Variants in CNTN5 observed in about 807,000 individuals in gnomAD.
CNTN5 encodes contactin 5.
Under a neutral mutation model 129.1 loss-of-function variants are expected in CNTN5, and 77 were observed. The observed-to-expected ratio is 0.60, with a 90% CI of 0.50 to 0.72. The LOEUF is 0.72. Among genes scored for constraint, CNTN5 ranks in the 30% least tolerant of loss-of-function variants. The pLI is 0.00. For missense variants in CNTN5, 1,478 were observed against 1,328.8 expected (o/e 1.11, Z -1.75); for synonymous variants, 509 against 465.6 (o/e 1.09, Z -1.20).
At chr11:99,596,690 A>G (rs1334489898) in intron 3 of CNTN5, among the ~76,000 whole-genome samples, 1 of 152,164 alleles carries the variant, frequency 6.6e-6, no homozygotes, top group Non-Finnish European at 1.5e-5. Context: ...CGATTGAATT[A>G]TTTGTGTTGG....
In CNTN5 at chr11:100,314,568, A is replaced by G. The variant is rs138027268; in HGVS notation, c.2730+6100A>G. ...GTGTTAACTAGTAACACCTCAATGC[A>G]TTTTCCTTAATAAATAATCAAACTG... On this transcript the variant is annotated intron_variant, in intron 21 of 24. Coordinates refer to ENST00000524871, the MANE Select transcript of CNTN5 (RefSeq NM_014361.4). Among the ~76,000 whole-genome samples the G allele has an allele frequency of 3.9e-5, 6 of 152,196 alleles. No individual in the cohort carries two copies. The East Asian group carries it at 1.2e-3, about 29-fold the overall frequency.
chr11:99,142,746 T>A (rs1160188594), intron 1 of CNTN5, among the ~76,000 whole-genome samples: 1 of 152,054 alleles, frequency 6.6e-6, no homozygotes, highest in African/African-American at 2.4e-5. Flanking sequence ...ACACCAAACC[T>A]CTGGCTTCTA....
intron 15 of CNTN5, among the ~76,000 whole-genome samples, chr11:100,201,539 C>T (rs888657437): frequency 3.9e-5 from 6 of 151,918 alleles, no homozygotes; most frequent in South Asian, 2.1e-4. Flanking sequence ...CAACTTTACA[C>T]ATAATCGGTA....
At chr11:100,309,210 T>C (rs1429475955) in intron 21 of CNTN5, 1 of 984,884 alleles carries the variant, frequency 1.0e-6, no homozygotes, top group Non-Finnish European at 1.2e-6. Flanking sequence ...TAGTTGCATT[T>C]AAAAAAATTT....
chr11:99,402,474 A>G (rs551610179), intron 2 of CNTN5, among the ~76,000 whole-genome samples: 255 of 152,224 alleles, frequency 1.7e-3, no homozygotes, highest in Non-Finnish European at 3.3e-3. Flanking sequence ...TGGTTTGCTA[A>G]TATTTTGTTA....
chr11:99,029,732 G>A (rs1213316314), intron 1 of CNTN5, among the ~76,000 whole-genome samples: 1 of 151,952 alleles, frequency 6.6e-6, no homozygotes, highest in African/African-American at 2.4e-5. Flanking sequence ...GAAAAAATTG[G>A]GATTTTGTTC....
intron 2 of CNTN5, among the ~76,000 whole-genome samples, chr11:99,346,636 A>T (rs1399408140): frequency 6.6e-6 from 1 of 152,196 alleles, no homozygotes; most frequent in Non-Finnish European, 1.5e-5. Flanking sequence ...ATATGGACTG[A>T]ATGTTTGCAT....
At chr11:99,721,273 G>A (rs1036131784) in intron 3 of CNTN5, among the ~76,000 whole-genome samples, 1 of 152,036 alleles carries the variant, frequency 6.6e-6, no homozygotes. Context: ...CAACATGGTA[G>A]TGGTGGAAAA....
At chr11:100,283,544 A>G (rs1444261625) in intron 18 of CNTN5, among the ~76,000 whole-genome samples, 4 of 152,086 alleles carry the variant, frequency 2.6e-5, no homozygotes, top group African/African-American at 7.2e-5. Context: ...CTACCTTTCA[A>G]GTTTATTTAG....
chr11:99,325,195 T>G (rs1865731493), intron 1 of CNTN5, among the ~76,000 whole-genome samples, 151 bp from the exon 2 acceptor site: 1 of 152,136 alleles, frequency 6.6e-6, no homozygotes, highest in Non-Finnish European at 1.5e-5. Flanking sequence ...AGAAGCTGTA[T>G]GTGTTTATAT....
chr11:100,224,596 TG>T, intron 15 of CNTN5, 95 bp from the exon 16 acceptor site: 1 of 1,202,958 alleles, frequency 8.3e-7, no homozygotes, highest in Non-Finnish European at 1.2e-6. Flanking sequence ...AGGCCAAAAA[TG>T]GGCCCTTTTA....
At chr11:99,172,039 G>C (rs562664255) in intron 1 of CNTN5, among the ~76,000 whole-genome samples, 3 of 152,268 alleles carry the variant, frequency 2.0e-5, no homozygotes, top group African/African-American at 7.2e-5. Context: ...ATAAATTCAT[G>C]TCAGCAAATA....
chr11:99,726,005 A>AC (rs1943324579), intron 3 of CNTN5, among the ~76,000 whole-genome samples: 1 of 151,830 alleles, frequency 6.6e-6, no homozygotes, highest in African/African-American at 2.4e-5. Context: ...AGTCTTACTT[A>AC]TTTGGCTATT....
At chr11:99,425,479 T>C (rs368509600) in intron 2 of CNTN5, among the ~76,000 whole-genome samples, 4 of 152,358 alleles carry the variant, frequency 2.6e-5, no homozygotes, top group East Asian at 1.9e-4. Context: ...TCTGCTGTGC[T>C]ATGTGGTGCC....
At chr11:99,584,851 T>C (rs1423299478) in intron 3 of CNTN5, among the ~76,000 whole-genome samples, 1 of 152,208 alleles carries the variant, frequency 6.6e-6, no homozygotes, top group African/African-American at 2.4e-5. Flanking sequence ...ACAGACAAAC[T>C]GTTATTCAGG....
chr11:100,334,816 T>C (rs747329612), intron 21 of CNTN5, among the ~76,000 whole-genome samples: 9 of 152,060 alleles, frequency 5.9e-5, no homozygotes, highest in Non-Finnish European at 1.2e-4. Flanking sequence ...AGTTCTCGCA[T>C]TGGGTGCAGT....
intron 3 of CNTN5, among the ~76,000 whole-genome samples, chr11:99,817,841 A>G (rs1179736566): frequency 7.1e-6 from 1 of 140,632 alleles, no homozygotes; most frequent in Non-Finnish European, 1.6e-5. Context: ...TGCCCAAGGG[A>G]GGTTAACTCT....
In CNTN5 at chr11:99,325,331, A is replaced by G. The variant is rs938913105; in HGVS notation, c.-209-15A>G. The G allele has an allele frequency of 6.6e-6, 1 of 152,134 alleles. No homozygotes were observed. The highest frequency in any genetic ancestry group is 1.5e-5 in the Non-Finnish European group (1 of 68,018). The allele number at this position is 152,134 out of a possible 1,614,324, so 9.4% of individuals were successfully genotyped here. A position where few individuals can be genotyped will look rare whatever the true frequency, so the allele number is the denominator to read the frequency against. ...GATGATTTTTATCACAATAGTATATATTATTTCTTAACAGGTGTCTTTAAA... is the reference window on the plus strand; with the variant it reads ...GATGATTTTTATCACAATAGTATATGTTATTTCTTAACAGGTGTCTTTAAA... On this transcript the variant is annotated splice_polypyrimidine_tract_variant and intron_variant, in intron 1 of 24. Coordinates refer to ENST00000524871, the MANE Select transcript of CNTN5 (RefSeq NM_014361.4).
At chr11:100,107,276 G>A (rs1173003310) in intron 13 of CNTN5, among the ~76,000 whole-genome samples, 1 of 151,958 alleles carries the variant, frequency 6.6e-6, no homozygotes, top group Non-Finnish European at 1.5e-5. Flanking sequence ...GAAGCCCCTA[G>A]TGTAAAATAC....
Sources: gnomAD v4.1 joint callset for allele counts (sites outside exome capture counted in the v4.1 genomes callset) on GRCh38, gnomAD v4.1.1 for gene constraint, MANE v1.5 for transcripts, NCBI Gene and HGNC (gene_info 2026-07-23, HGNC 2026-07-21) for gene names.